CACNA1C: variants seen among roughly 807,000 people sequenced by gnomAD.
CACNA1C encodes calcium voltage-gated channel subunit alpha1 C.
Under a neutral mutation model 229.0 loss-of-function variants are expected in CACNA1C, and 30 were observed. That is an observed-to-expected ratio of 0.13 (90% CI 0.10 to 0.18). The LOEUF is 0.18. CACNA1C is among the 10% of genes least tolerant of loss of function. The pLI is 1.00. For missense variants in CACNA1C, 1,658 were observed against 2,845.0 expected (o/e 0.58, Z 9.49); for synonymous variants, 1,114 against 1,132.5 (o/e 0.98, Z 0.33).
intron 1 of CACNA1C, chr12:2,004,402 C>A: frequency 6.2e-7 from 1 of 1,611,788 alleles, no homozygotes; most frequent in East Asian, 2.2e-5. Flanking sequence ...GCCCCTTTCC[C>A]ACCAGGCCGC....
chr12:2,566,500 G>A lies in CACNA1C; in HGVS notation c.1587G>A (p.Leu529=). The A allele has an allele frequency of 6.3e-7, 1 of 1,594,006 alleles. No individual in the cohort carries two copies. Among genetic ancestry groups the A allele is most frequent in the Non-Finnish European group, 8.5e-7 (1 of 1,170,354 alleles). The change falls in exon 12 of 47, where the codon CTG becomes CTA. Residue 529 remains leucine (L), a synonymous_variant. Transcript: ENST00000399655. This position sits in a 1 kb window ranked among gnomAD's most constrained non-coding sequence, Gnocchi z 4.0. ...AAVKSNVFYW[L]VIFLVFLNTL... Reference sequence around the variant, plus strand: ...TCAAGTCTAATGTCTTCTACTGGCTGGTGATTTTCCTGGTGTTCCTCAACA... The same window carrying A: ...TCAAGTCTAATGTCTTCTACTGGCTAGTGATTTTCCTGGTGTTCCTCAACA...
At chr12:2,392,050 G>A (rs116114690) in intron 3 of CACNA1C, among the ~76,000 whole-genome samples, 3 of 152,284 alleles carry the variant, frequency 2.0e-5, no homozygotes, top group Admixed American at 6.5e-5. Context: ...ACTTAGTAGA[G>A]TATATAAGCC....
chr12:2,321,307 C>T (rs901707678), intron 3 of CACNA1C, among the ~76,000 whole-genome samples: 2 of 151,998 alleles, frequency 1.3e-5, no homozygotes, highest in Admixed American at 6.6e-5. Flanking sequence ...GTTTTCTGTC[C>T]ACCTGTTAGG....
chr12:2,301,199 G>A (rs1410120379), intron 3 of CACNA1C, among the ~76,000 whole-genome samples: 1 of 152,182 alleles, frequency 6.6e-6, no homozygotes, highest in Non-Finnish European at 1.5e-5. Flanking sequence ...GGTTGGGTGG[G>A]GTGTAGGCGA....
At chr12:2,642,529 G>C (rs1237767947) in intron 30 of CACNA1C, among the ~76,000 whole-genome samples, 2 of 152,198 alleles carry the variant, frequency 1.3e-5, no homozygotes, top group Non-Finnish European at 2.9e-5. Flanking sequence ...AAGGCTCAAA[G>C]ATACGTAGGG....
chr12:2,257,403 G>C (rs909731544), intron 3 of CACNA1C, among the ~76,000 whole-genome samples: 1 of 152,184 alleles, frequency 6.6e-6, no homozygotes, highest in South Asian at 2.1e-4. Flanking sequence ...ATGGAGGACC[G>C]AGAGGGGATG....
At chr12:2,290,044 T>C (rs1445806574) in intron 3 of CACNA1C, among the ~76,000 whole-genome samples, 1 of 152,194 alleles carries the variant, frequency 6.6e-6, no homozygotes, top group Non-Finnish European at 1.5e-5. Flanking sequence ...ACTCCCAGAT[T>C]AGTATTTCTT....
At chr12:2,173,430 A>G (rs1175572493) in intron 3 of CACNA1C, among the ~76,000 whole-genome samples, 1 of 152,218 alleles carries the variant, frequency 6.6e-6, no homozygotes, top group Non-Finnish European at 1.5e-5. Flanking sequence ...TATCATCCAA[A>G]TTGGGATACA....
At chr12:2,462,334 G>A (rs1388526880) in intron 5 of CACNA1C, among the ~76,000 whole-genome samples, 2 of 72,332 alleles carry the variant, frequency 2.8e-5, no homozygotes, top group Admixed American at 1.4e-4. Context: ...TCCTCGGCCC[G>A]CCCCTTGGCT....
intron 3 of CACNA1C, among the ~76,000 whole-genome samples, chr12:2,393,084 C>T (rs771257955): frequency 1.3e-5 from 2 of 152,132 alleles, no homozygotes; most frequent in Non-Finnish European, 2.9e-5. Flanking sequence ...GGAGCTGCTC[C>T]GGAGTCAACA....
intron 3 of CACNA1C, among the ~76,000 whole-genome samples, chr12:2,345,083 A>G (rs2096973222): frequency 6.7e-6 from 1 of 149,312 alleles, no homozygotes; most frequent in Non-Finnish European, 1.5e-5. Flanking sequence ...TGTGGGTTTG[A>G]ATGATCTAGA....
chr12:2,260,365 A>G (rs902716808), intron 3 of CACNA1C, among the ~76,000 whole-genome samples: 3 of 151,496 alleles, frequency 2.0e-5, no homozygotes, highest in East Asian at 3.9e-4. Flanking sequence ...AGTCCCAGCT[A>G]CCTGGGAGGT....
chr12:2,506,552 C>G (rs921355214), intron 8 of CACNA1C, among the ~76,000 whole-genome samples: 3 of 152,184 alleles, frequency 2.0e-5, no homozygotes, highest in Non-Finnish European at 4.4e-5. Context: ...ATGGTGCTAT[C>G]ATTACAATGA....
intron 3 of CACNA1C, among the ~76,000 whole-genome samples, chr12:2,347,666 G>T (rs2097086568): frequency 1.3e-5 from 2 of 152,344 alleles, no homozygotes; most frequent in Non-Finnish European, 2.9e-5. Context: ...CCTGCCTTTG[G>T]GATTTGTGGG....
At chr12:2,489,981 C>T (rs1358448411) in intron 6 of CACNA1C, among the ~76,000 whole-genome samples, 1 of 152,256 alleles carries the variant, frequency 6.6e-6, no homozygotes, top group Non-Finnish European at 1.5e-5. Flanking sequence ...AATTTCTCCT[C>T]ACCCTAGAGT....
At chr12:2,634,893 C>T (rs1231245306) in intron 30 of CACNA1C, among the ~76,000 whole-genome samples, 1 of 152,194 alleles carries the variant, frequency 6.6e-6, no homozygotes, top group Admixed American at 6.5e-5. Context: ...CACCGTCAGC[C>T]ATAGCCCACC....
chr12:2,117,361 C>T (rs1039583196), intron 2 of CACNA1C, among the ~76,000 whole-genome samples: 6 of 152,226 alleles, frequency 3.9e-5, no homozygotes, highest in Admixed American at 3.3e-4. Flanking sequence ...GCTGCAGCTG[C>T]CTGAGTGGCC....
chr12:2,435,787 A>G (rs2099128689), intron 3 of CACNA1C, among the ~76,000 whole-genome samples: 1 of 152,228 alleles, frequency 6.6e-6, no homozygotes, highest in South Asian at 2.1e-4. Flanking sequence ...TGGATAGCAC[A>G]GGAAAATCTG....
intron 3 of CACNA1C, among the ~76,000 whole-genome samples, chr12:2,229,239 C>T (rs1262801402): frequency 2.6e-5 from 4 of 152,168 alleles, no homozygotes; most frequent in Non-Finnish European, 4.4e-5. Context: ...ACCTCGGCCT[C>T]ATTGAAAGAA....
Sources: gnomAD v4.1 joint callset for allele counts (sites outside exome capture counted in the v4.1 genomes callset) on GRCh38, gnomAD v4.1.1 for gene constraint, Gnocchi (gnomAD v3.1) non-coding constraint, MANE v1.5 for transcripts, NCBI Gene and HGNC (gene_info 2026-07-23, HGNC 2026-07-21) for gene names.